The following UTS2 variants were observed in gnomAD, a reference collection of about 807,000 sequenced individuals.
UTS2 encodes the protein urotensin-2.
In UTS2, 10 loss-of-function variants were observed where a neutral mutation model predicts 12.6. The ratio of observed to expected loss-of-function variants is 0.80; its 90% confidence interval spans 0.49 to 1.35. UTS2 has a LOEUF of 1.35. Ranked by LOEUF, UTS2 falls within the 40% of genes most tolerant of loss-of-function variation. UTS2 has a pLI of 0.00. For missense variants in UTS2, 142 were observed against 143.2 expected (o/e 0.99, Z 0.04); for synonymous variants, 52 against 50.0 (o/e 1.04, Z -0.17).
chr1:7,895,379 A>T, the UTS2 span, among the ~76,000 whole-genome samples: 1 of 151,998 alleles, frequency 6.6e-6, no homozygotes, highest in Non-Finnish European at 1.5e-5. Context: ...CAAAAAAATA[A>T]ATAAATAAAT....
the UTS2 span, among the ~76,000 whole-genome samples, chr1:7,864,971 CTG>C: frequency 1.1e-5 from 1 of 87,438 alleles, no homozygotes; most frequent in African/African-American, 3.2e-5. Context: ...AGCTGTCCCT[CTG>C]TGTGTCTGTC....
chr1:7,884,920 A>G, the UTS2 span, among the ~76,000 whole-genome samples: 6 of 147,698 alleles, frequency 4.1e-5, no homozygotes, highest in African/African-American at 1.5e-4. Context: ...GCATCCATTC[A>G]TCCATCCACT....
intron 1 of UTS2, among the ~76,000 whole-genome samples, chr1:7,852,183 T>C (rs1033370657): frequency 2.6e-5 from 4 of 152,172 alleles, no homozygotes; most frequent in Admixed American, 2.0e-4. Context: ...AAAGCCTATT[T>C]AAAAAGTACT....
chr1:7,851,512 C>T (rs554869752), intron 1 of UTS2, among the ~76,000 whole-genome samples: 15 of 151,994 alleles, frequency 9.9e-5, no homozygotes, highest in Non-Finnish European at 1.8e-4. Flanking sequence ...ATGGTAAGTG[C>T]GCTTAAGGTG....
the UTS2 span, among the ~76,000 whole-genome samples, chr1:7,869,156 C>T: frequency 2.0e-5 from 3 of 152,194 alleles, no homozygotes; most frequent in African/African-American, 7.2e-5. Context: ...GCAGAGGCTG[C>T]CCAAGGTGGA....
chr1:7,886,088 A>G, the UTS2 span, among the ~76,000 whole-genome samples: 1 of 118,288 alleles, frequency 8.5e-6, no homozygotes, highest in African/African-American at 2.8e-5. Context: ...GTAAACCTCC[A>G]TGTGGATCTG....
Position 7,847,790 on chromosome 1 carries a change from ATCAGGAGTC to A in UTS2, c.342_350del (p.Glu114_Pro116del), listed in dbSNP as rs765811513. 21 of 1,613,574 alleles carry A rather than the reference ATCAGGAGTC, an allele frequency of 1.3e-5. No individual in the cohort carries two copies. Among genetic ancestry groups the A allele is most frequent in the Non-Finnish European group, 1.8e-5 (21 of 1,179,728 alleles). On this transcript the variant is annotated inframe_deletion, in exon 4 of 4. Coordinates refer to ENST00000361696, the MANE Select transcript of UTS2 (RefSeq NM_006786.4). ...TTCAGACACAGTATTTCCAGAAGCAATCAGGAGTCTCACGTTTCTTGTATGGTTTCCAGA... is the reference window on the plus strand; with the variant it reads ...TTCAGACACAGTATTTCCAGAAGCAATCACGTTTCTTGTATGGTTTCCAGA...
the UTS2 span, among the ~76,000 whole-genome samples, chr1:7,869,945 G>GGCTCT: frequency 6.6e-6 from 1 of 152,222 alleles, no homozygotes; most frequent in Non-Finnish European, 1.5e-5. Flanking sequence ...AGCCAGGTGT[G>GGCTCT]AAGTTAAATG....
chr1:7,882,030 A>G, the UTS2 span, among the ~76,000 whole-genome samples: 3 of 152,166 alleles, frequency 2.0e-5, no homozygotes, highest in African/African-American at 7.2e-5. Context: ...ACTGGGTAAA[A>G]GACATCCTCT....
chr1:7,881,403 C>T, the UTS2 span, among the ~76,000 whole-genome samples: 1 of 151,940 alleles, frequency 6.6e-6, no homozygotes, highest in African/African-American at 2.4e-5. Flanking sequence ...AAGACTTCAC[C>T]AAAAAATCTC....
the UTS2 span, among the ~76,000 whole-genome samples, chr1:7,905,798 G>C: frequency 6.6e-6 from 1 of 152,184 alleles, no homozygotes. Context: ...AGGTCAGCAG[G>C]AATGTAGGGT....
At chr1:7,909,659 C>T in the UTS2 span, among the ~76,000 whole-genome samples, 3 of 151,766 alleles carry the variant, frequency 2.0e-5, no homozygotes, top group South Asian at 2.1e-4. Flanking sequence ...CTCACTCTGT[C>T]ACCCAGGCTG....
At chr1:7,872,888 C>T in the UTS2 span, among the ~76,000 whole-genome samples, 40 of 152,218 alleles carry the variant, frequency 2.6e-4, no homozygotes, top group African/African-American at 7.2e-4. Flanking sequence ...AGAGAGGAGA[C>T]GTCAATCCCT....
the UTS2 span, among the ~76,000 whole-genome samples, chr1:7,862,993 G>GTATTGTATTGTATTGTATTGTATTGTAT: frequency 5.2e-5 from 1 of 19,202 alleles, no homozygotes; most frequent in African/African-American, 1.8e-4. Flanking sequence ...GTGTTGTGTT[G>GTATTGTATTGTATTGTATTGTATTGTAT]TATTGTATTG....
the UTS2 span, among the ~76,000 whole-genome samples, chr1:7,911,076 C>T: frequency 1.3e-5 from 2 of 152,156 alleles, no homozygotes; most frequent in East Asian, 3.9e-4. Flanking sequence ...TTTCAACTTC[C>T]CAGTACTTTT....
At chr1:7,888,804 CAG>C in the UTS2 span, among the ~76,000 whole-genome samples, 1 of 152,118 alleles carries the variant, frequency 6.6e-6, no homozygotes, top group African/African-American at 2.4e-5. Flanking sequence ...TGGAGGAACA[CAG>C]GGGCTGACTG....
the UTS2 span, among the ~76,000 whole-genome samples, chr1:7,867,101 C>T: frequency 2.0e-5 from 3 of 152,072 alleles, no homozygotes; most frequent in Non-Finnish European, 4.4e-5. Flanking sequence ...AACTCCTGAC[C>T]TCAGGTGATC....
At chr1:7,895,584 T>C in the UTS2 span, among the ~76,000 whole-genome samples, 7 of 152,232 alleles carry the variant, frequency 4.6e-5, no homozygotes, top group Admixed American at 2.0e-4. Flanking sequence ...TTGTCAATTA[T>C]TAATTGACAG....
At chr1:7,863,668 A>G in the UTS2 span, among the ~76,000 whole-genome samples, 1 of 152,188 alleles carries the variant, frequency 6.6e-6, no homozygotes, top group African/African-American at 2.4e-5. Flanking sequence ...AGCCTGGTGC[A>G]TGGGCTCTGT....
Sources: gnomAD v4.1 joint callset for allele counts (sites outside exome capture counted in the v4.1 genomes callset) on GRCh38, gnomAD v4.1.1 for gene constraint, MANE v1.5 for transcripts, NCBI Gene and HGNC (gene_info 2026-07-23, HGNC 2026-07-21) for gene names.